KLF12: variants seen among roughly 807,000 people sequenced by gnomAD.
The protein encoded by KLF12 is Krueppel-like factor 12.
A neutral mutation model predicts 37.8 loss-of-function variants in KLF12; 9 were observed. That is an observed-to-expected ratio of 0.24 (90% CI 0.14 to 0.42). The LOEUF (loss-of-function observed/expected upper bound fraction) is 0.42, where lower values mean the gene tolerates loss of function less well. Among genes scored for constraint, KLF12 ranks in the 10% least tolerant of loss-of-function variants. KLF12 has a pLI of 1.00. For synonymous variants in KLF12, 208 were observed against 202.1 expected (o/e 1.03, Z -0.25); for missense variants, 411 against 516.0 (o/e 0.80, Z 1.97).
intron 3 of KLF12, among the ~76,000 whole-genome samples, chr13:73,897,461 C>T (rs751055361): frequency 1.1e-4 from 16 of 152,250 alleles, no homozygotes; most frequent in African/African-American, 3.6e-4. Flanking sequence ...CTCCCCCATC[C>T]GAATCAGGTA....
chr13:74,116,186 A>G (rs532987251), intron 1 of KLF12, among the ~76,000 whole-genome samples: 6 of 152,338 alleles, frequency 3.9e-5, no homozygotes, highest in African/African-American at 1.4e-4. Context: ...ATAGCCAGAA[A>G]GCTTCACCAG....
intron 5 of KLF12, among the ~76,000 whole-genome samples, chr13:73,795,164 AAGATGGC>A (rs1881891989): frequency 6.6e-6 from 1 of 152,228 alleles, no homozygotes; most frequent in Admixed American, 6.5e-5. Flanking sequence ...CCCCATGATA[AAGATGGC>A]TCTGCCTGAT....
chr13:74,210,840 C>A, the KLF12 span, among the ~76,000 whole-genome samples: 1 of 152,154 alleles, frequency 6.6e-6, no homozygotes, highest in East Asian at 1.9e-4. Flanking sequence ...TTGCTAAGTA[C>A]CCATGTTATC....
At position 73,813,242 on chromosome 13, in the gene KLF12, T is replaced by C. The variant is rs770700596; in HGVS notation, c.716A>G (p.Asp239Gly). 1 of 1,614,066 alleles carries C rather than the reference T, an allele frequency of 6.2e-7. No individual in the cohort carries two copies. Among genetic ancestry groups the C allele is most frequent in the Non-Finnish European group, 8.5e-7 (1 of 1,179,962 alleles). Reference sequence around the variant, plus strand: ...ATTTGGCAGGTCATCATCATCACTGTCACTTTTACTTTGTCTGGGAGATAG... The same window carrying C: ...ATTTGGCAGGTCATCATCATCACTGCCACTTTTACTTTGTCTGGGAGATAG... Residue 239 changes from aspartate to glycine, a missense_variant, in exon 5 of 8, where the codon GAC (aspartate) becomes GGC (glycine). Physicochemically the swap from Asp to Gly is moderately conservative, Grantham distance 94. Around this residue, in one of 2 missense-constraint regions of KLF12, gnomAD observed 351 missense variants for 397.8 expected, o/e 0.88. Coordinates refer to ENST00000377669, the MANE Select transcript of KLF12 (RefSeq NM_007249.5).
intron 4 of KLF12, among the ~76,000 whole-genome samples, chr13:73,827,337 A>G (rs1294370936): frequency 6.6e-6 from 1 of 152,180 alleles, no homozygotes; most frequent in African/African-American, 2.4e-5. Context: ...ATTGATCTCC[A>G]AAGTTGTTGA....
intron 6 of KLF12, among the ~76,000 whole-genome samples, chr13:73,736,693 T>C (rs1423755438): frequency 1.3e-5 from 2 of 152,180 alleles, no homozygotes; most frequent in African/African-American, 4.8e-5. Flanking sequence ...CAGAGTTTGG[T>C]TGTCAGATGG....
intron 3 of KLF12, among the ~76,000 whole-genome samples, chr13:73,850,699 TG>T (rs1440745814): frequency 6.6e-6 from 1 of 152,176 alleles, no homozygotes; most frequent in African/African-American, 2.4e-5. Flanking sequence ...TGTTTAGAGA[TG>T]GGGCTGACAT....
intron 3 of KLF12, among the ~76,000 whole-genome samples, chr13:73,899,210 A>G (rs975875545): frequency 6.6e-6 from 1 of 152,192 alleles, no homozygotes; most frequent in African/African-American, 2.4e-5. Context: ...AAGGTGGAAT[A>G]AAAGCAAGCA....
the KLF12 span, among the ~76,000 whole-genome samples, chr13:74,139,894 A>G: frequency 6.6e-6 from 1 of 152,106 alleles, no homozygotes; most frequent in African/African-American, 2.4e-5. Flanking sequence ...AAATGAAAAT[A>G]GTACTCTCCA....
intron 5 of KLF12, among the ~76,000 whole-genome samples, chr13:73,779,884 G>A (rs552223691): frequency 2.0e-5 from 3 of 152,294 alleles, no homozygotes; most frequent in Non-Finnish European, 4.4e-5. Flanking sequence ...AAATTCTGAT[G>A]GATCTGAGCA....
chr13:73,846,144 G>A lies in KLF12; in HGVS notation c.353C>T (p.Ser118Leu), dbSNP rs150943448. Reference sequence around the variant, plus strand: ...GGATGAGGCTAGACGACTAGAAGACGATGAAGAGGTTGAAGTTGAAGAAGG... The same window carrying A: ...GGATGAGGCTAGACGACTAGAAGACAATGAAGAGGTTGAAGTTGAAGAAGG... Residue 118 changes from serine to leucine, a missense_variant, in exon 4 of 8, where the codon TCG (serine) becomes TTG (leucine). By Grantham distance (145) the Ser-to-Leu change is moderately radical. Coordinates refer to ENST00000377669, the MANE Select transcript of KLF12 (RefSeq NM_007249.5). 4.7e-4 allele frequency: 751 copies of A among 1,613,948 alleles called. 4 individuals are homozygous for A. Among genetic ancestry groups the A allele is most frequent in the Non-Finnish European group, 9.7e-5 (114 of 1,180,004 alleles).
the KLF12 span, among the ~76,000 whole-genome samples, chr13:74,250,677 GAT>G: frequency 1.3e-5 from 2 of 152,030 alleles, no homozygotes; most frequent in African/African-American, 4.8e-5. Flanking sequence ...GCCAATGACT[GAT>G]GGTCTTATTA....
chr13:73,876,376 T>C (rs918030617), intron 3 of KLF12, among the ~76,000 whole-genome samples: 13 of 152,192 alleles, frequency 8.5e-5, no homozygotes, highest in Admixed American at 2.6e-4. Flanking sequence ...TAGGACCAGC[T>C]TGAGAAAACT....
chr13:73,830,869 A>C (rs1884113357), intron 4 of KLF12, among the ~76,000 whole-genome samples: 1 of 152,170 alleles, frequency 6.6e-6, no homozygotes, highest in Admixed American at 6.6e-5. Context: ...TGCACCTAGA[A>C]ATGTTAACCT....
chr13:74,268,960 A>C, the KLF12 span, among the ~76,000 whole-genome samples: 1 of 152,196 alleles, frequency 6.6e-6, no homozygotes, highest in Non-Finnish European at 1.5e-5. Flanking sequence ...TAGAGTTGCT[A>C]GTTCACAGTG....
At chr13:74,145,083 A>G in the KLF12 span, among the ~76,000 whole-genome samples, 1 of 152,160 alleles carries the variant, frequency 6.6e-6, no homozygotes, top group Non-Finnish European at 1.5e-5. Flanking sequence ...TTGCAATGAA[A>G]AAAATAAAAC....
intron 3 of KLF12, among the ~76,000 whole-genome samples, chr13:73,852,798 G>T (rs1885399956): frequency 6.6e-6 from 1 of 150,868 alleles, no homozygotes; most frequent in Non-Finnish European, 1.5e-5. Context: ...AAACAAAACA[G>T]AAATGATTGA....
At chr13:73,726,428 A>G (rs1876678561) in intron 6 of KLF12, among the ~76,000 whole-genome samples, 1 of 152,164 alleles carries the variant, frequency 6.6e-6, no homozygotes, top group African/African-American at 2.4e-5. Context: ...CCCCATACTC[A>G]TTAGCATCCA....
At chr13:74,220,035 C>T in the KLF12 span, among the ~76,000 whole-genome samples, 21 of 152,144 alleles carry the variant, frequency 1.4e-4, no homozygotes, top group African/African-American at 4.6e-4. Flanking sequence ...GCATCTGCTT[C>T]GACTTTTTCC....
Sources: gnomAD v4.1 joint callset for allele counts (sites outside exome capture counted in the v4.1 genomes callset) on GRCh38, gnomAD v4.1.1 for gene constraint, gnomAD v4.1.1 regional missense constraint, MANE v1.5 for transcripts, NCBI Gene and HGNC (gene_info 2026-07-23, HGNC 2026-07-21) for gene names.